The following PHLPP1 variants were observed in gnomAD, a reference collection of about 807,000 sequenced individuals.
PHLPP1 encodes the protein PH domain leucine-rich repeat-containing protein phosphatase 1.
In PHLPP1, 42 loss-of-function variants were observed where a neutral mutation model predicts 117.2. The observed-to-expected ratio is 0.36, with a 90% CI of 0.28 to 0.46. The LOEUF (loss-of-function observed/expected upper bound fraction) is 0.46, where lower values mean the gene tolerates loss of function less well. Ranked by LOEUF, PHLPP1 falls within the 20% of genes least tolerant of loss-of-function variation. The pLI is 1.00. For missense variants in PHLPP1, 2,084 were observed against 2,241.9 expected (o/e 0.93, Z 1.42); for synonymous variants, 1,042 against 970.7 (o/e 1.07, Z -1.37).
At chr18:62,868,389 G>C (rs1187346691) in intron 4 of PHLPP1, among the ~76,000 whole-genome samples, 1 of 151,994 alleles carries the variant, frequency 6.6e-6, no homozygotes, top group East Asian at 1.9e-4. Flanking sequence ...AACTTTGGGA[G>C]GCTAAGGTGG....
intron 1 of PHLPP1, among the ~76,000 whole-genome samples, chr18:62,828,590 T>C (rs990721026): frequency 2.6e-5 from 4 of 152,204 alleles, no homozygotes; most frequent in African/African-American, 9.6e-5. Flanking sequence ...TTCGAACCTG[T>C]GGCTTATTTC....
intron 1 of PHLPP1, among the ~76,000 whole-genome samples, chr18:62,791,229 G>A (rs1311296955): frequency 1.3e-5 from 2 of 152,202 alleles, no homozygotes; most frequent in Admixed American, 6.5e-5. Context: ...GTTCAGATAC[G>A]TAGTTTCTAC....
chr18:62,887,629 A>G (rs1193165950), intron 4 of PHLPP1, among the ~76,000 whole-genome samples: 8 of 152,238 alleles, frequency 5.3e-5, no homozygotes, highest in East Asian at 1.9e-4. Flanking sequence ...ACTAATCCCA[A>G]TTGTAAGGAC....
chr18:62,821,548 C>CAAAAAAAAAA (rs1568127680), intron 1 of PHLPP1, among the ~76,000 whole-genome samples: 1 of 29,306 alleles, frequency 3.4e-5, no homozygotes, highest in African/African-American at 1.2e-4. Flanking sequence ...GACCCTTTAT[C>CAAAAAAAAAA]CAAAAAAAAA....
intron 1 of PHLPP1, among the ~76,000 whole-genome samples, chr18:62,798,131 G>A (rs1435963029): frequency 1.3e-5 from 2 of 152,172 alleles, no homozygotes; most frequent in African/African-American, 2.4e-5. Flanking sequence ...AAGCCCAGGT[G>A]GCTGGTCCCC....
intron 1 of PHLPP1, among the ~76,000 whole-genome samples, chr18:62,758,031 T>G (rs1283237740): frequency 6.6e-6 from 1 of 152,232 alleles, no homozygotes; most frequent in Non-Finnish European, 1.5e-5. Context: ...TATAGTGTGG[T>G]AGAGGCAGCA....
At chr18:62,852,106 C>T (rs1915368991) in intron 3 of PHLPP1, among the ~76,000 whole-genome samples, 8 of 151,344 alleles carry the variant, frequency 5.3e-5, no homozygotes, top group Admixed American at 5.3e-4. Context: ...CCTCAATCTC[C>T]TGGACTCAAG....
chr18:62,962,200 A>C lies in PHLPP1; in HGVS notation c.3456-1168A>C, dbSNP rs539009602. On this transcript the variant is annotated intron_variant, in intron 13 of 16. Transcript: ENST00000262719. ...GTGGTAGCCAGCCTTTTAACAGACT[A>C]CTTTACATCTGTTAATGACTCCCTG... is the stretch of plus-strand genomic sequence containing the variant. Among the ~76,000 whole-genome samples, 31 of 152,326 alleles carry C rather than the reference A, an allele frequency of 2.0e-4. 1 individual carries two copies. In the South Asian group the frequency reaches 6.4e-3, roughly 32 times the overall value.
chr18:62,881,297 G>T (rs1367530333), intron 4 of PHLPP1, among the ~76,000 whole-genome samples: 3 of 151,952 alleles, frequency 2.0e-5, no homozygotes. Flanking sequence ...TCTCTTTAGG[G>T]AATACTTTAA....
chr18:62,831,430 C>G (rs777063478), intron 2 of PHLPP1, among the ~76,000 whole-genome samples: 7 of 151,750 alleles, frequency 4.6e-5, no homozygotes, highest in Non-Finnish European at 1.0e-4. Context: ...CTCTGCCTCC[C>G]GGGTTCAAGT....
At chr18:62,912,595 C>T (rs1369657184) in intron 8 of PHLPP1, among the ~76,000 whole-genome samples, 1 of 151,876 alleles carries the variant, frequency 6.6e-6, no homozygotes, top group Non-Finnish European at 1.5e-5. Flanking sequence ...TACATGGATG[C>T]ATATAAATAT....
intron 9 of PHLPP1, among the ~76,000 whole-genome samples, chr18:62,917,068 T>A (rs1001674548): frequency 2.0e-5 from 3 of 151,158 alleles, no homozygotes; most frequent in African/African-American, 7.3e-5. Flanking sequence ...CTATTTTCTC[T>A]GTTCTCTTTC....
At position 62,932,858 on chromosome 18, in the gene PHLPP1, A is replaced by G. The variant is rs974747398; in HGVS notation, c.2961-8860A>G. Among the ~76,000 whole-genome samples, 3 of 152,232 alleles carry G rather than the reference A, an allele frequency of 2.0e-5. No homozygotes were observed. In the East Asian group the frequency reaches 5.8e-4, roughly 29 times the overall value. On this transcript the variant is annotated intron_variant, in intron 10 of 16. Coordinates refer to ENST00000262719, the MANE Select transcript of PHLPP1 (RefSeq NM_194449.4). ...GTTGATGATACGATTCTATACCTAG[A>G]AAACCCTAAAAGTTCCTCCAAAAGA...
At chr18:62,733,460 G>T (rs1317803850) in intron 1 of PHLPP1, among the ~76,000 whole-genome samples, 2 of 152,156 alleles carry the variant, frequency 1.3e-5, no homozygotes, top group South Asian at 4.1e-4. Flanking sequence ...AAATTCATGT[G>T]ACTTTATTGT....
At chr18:62,919,780 T>A (rs1909406217) in intron 9 of PHLPP1, among the ~76,000 whole-genome samples, 179 bp from the exon 10 acceptor site, 1 of 152,214 alleles carries the variant, frequency 6.6e-6, no homozygotes, top group African/African-American at 2.4e-5. Flanking sequence ...GTTTACATAG[T>A]TTTTTCCTTC....
chr18:62,739,310 G>A (rs1256172863), intron 1 of PHLPP1, among the ~76,000 whole-genome samples: 1 of 152,196 alleles, frequency 6.6e-6, no homozygotes, highest in Non-Finnish European at 1.5e-5. Flanking sequence ...ACAACTCTAT[G>A]ATTATGTTTA....
At chr18:62,951,224 G>A (rs964729260) in intron 12 of PHLPP1, among the ~76,000 whole-genome samples, 1 of 151,908 alleles carries the variant, frequency 6.6e-6, no homozygotes, top group Non-Finnish European at 1.5e-5. Context: ...CTCGTGATCC[G>A]CCCGCCTCGT....
chr18:62,856,931 GT>G (rs199920198), intron 3 of PHLPP1, among the ~76,000 whole-genome samples: 45 of 147,438 alleles, frequency 3.1e-4, no homozygotes, highest in Middle Eastern at 7.2e-3. Flanking sequence ...TTCTCAAGCT[GT>G]TTTTTTTTTC....
intron 10 of PHLPP1, among the ~76,000 whole-genome samples, chr18:62,938,994 CTT>C (rs1555683300): frequency 3.1e-5 from 4 of 128,664 alleles, no homozygotes; most frequent in African/African-American, 5.9e-5. Context: ...TTCTTTCTTT[CTT>C]TTTTTTTTTT....
Sources: gnomAD v4.1 joint callset for allele counts (sites outside exome capture counted in the v4.1 genomes callset) on GRCh38, gnomAD v4.1.1 for gene constraint, MANE v1.5 for transcripts, NCBI Gene and HGNC (gene_info 2026-07-23, HGNC 2026-07-21) for gene names.